Variants in CMC1 observed in about 807,000 individuals in gnomAD.
CMC1 encodes COX assembly mitochondrial protein homolog.
A neutral mutation model predicts 14.1 loss-of-function variants in CMC1; 14 were observed. The ratio of observed to expected loss-of-function variants is 0.99; its 90% CI spans 0.66 to 1.55. The LOEUF (loss-of-function observed/expected upper bound fraction) is 1.55, where lower values mean the gene tolerates loss of function less well. Ranked by LOEUF, CMC1 falls within the 40% of genes most tolerant of loss-of-function variation. CMC1 has a pLI of 0.00. For synonymous variants in CMC1, 50 were observed against 38.4 expected (o/e 1.30, Z -1.12); for missense variants, 127 against 123.8 (o/e 1.03, Z -0.12).
At chr3:28,253,651 G>T in intron 1 of CMC1, 1 of 732,938 alleles carries the variant, frequency 1.4e-6, no homozygotes, top group Non-Finnish European at 1.9e-6. Flanking sequence ...ACAAAGAAGA[G>T]GGATCCAAAT....
intron 2 of CMC1, among the ~76,000 whole-genome samples, chr3:28,308,555 A>G (rs1702452827): frequency 6.6e-6 from 1 of 152,248 alleles, no homozygotes; most frequent in Non-Finnish European, 1.5e-5. Context: ...GCTTTACACG[A>G]AGATCAAATG....
At chr3:28,270,920 C>CTTTTTTTTTTTTTTTTTT (rs71087680) in intron 2 of CMC1, among the ~76,000 whole-genome samples, 1 of 83,738 alleles carries the variant, frequency 1.2e-5, no homozygotes, top group African/African-American at 5.1e-5. Flanking sequence ...GAGTTAATTT[C>CTTTTTTTTTTTTTTTTTT]TTTTTTTTTT....
chr3:28,314,938 A>T (rs1304930497), intron 2 of CMC1: 1 of 152,224 alleles, frequency 6.6e-6, no homozygotes, highest in Non-Finnish European at 1.5e-5. Flanking sequence ...ATAGCTCAAG[A>T]AAAGAGAGGA....
chr3:28,274,683 C>T (rs1009662639), intron 2 of CMC1, among the ~76,000 whole-genome samples: 9 of 152,136 alleles, frequency 5.9e-5, no homozygotes, highest in Admixed American at 2.0e-4. Flanking sequence ...GGAAGTTCTC[C>T]TGGATGATAT....
intron 1 of CMC1, among the ~76,000 whole-genome samples, chr3:28,255,566 A>G (rs1395305391): frequency 6.6e-6 from 1 of 152,020 alleles, no homozygotes; most frequent in Non-Finnish European, 1.5e-5. Flanking sequence ...AGCTTCTGGC[A>G]AAGCTAAGGA....
Position 28,322,042 on chromosome 3 carries a change from T to G in CMC1, c.*2413T>G, listed in dbSNP as rs997868367. On this transcript the variant is annotated 3_prime_UTR_variant, in exon 4 of 4. Transcript: ENST00000466830. Reference sequence around the variant, plus strand: ...TACAGATGGGCCACTGTTTTTTGGTTGTTTGAATTTTACCTAGAACAGAGA... The same window carrying G: ...TACAGATGGGCCACTGTTTTTTGGTGGTTTGAATTTTACCTAGAACAGAGA... 2 of 151,308 alleles carry G rather than the reference T, an allele frequency of 1.3e-5. No homozygotes were observed. The highest frequency in any genetic ancestry group is 4.8e-5 in the African/African-American group (2 of 41,342). 9.4% of individuals were successfully genotyped at this position (151,308 alleles called of 1,614,324 possible).
At chr3:28,308,272 T>TA (rs1017529000) in intron 2 of CMC1, among the ~76,000 whole-genome samples, 243 of 148,202 alleles carry the variant, frequency 1.6e-3, no homozygotes, top group African/African-American at 4.9e-3. Context: ...GTGAAAGCTT[T>TA]AAAAAAAAAA....
chr3:28,324,004 T>C lies in CMC1; in HGVS notation c.*4375T>C, dbSNP rs1703281956. ...TTCTTGGGAGGACCACTGAAAGAGATAAGTGTCCTCATGGTGAAATCGTGA... is the reference window on the plus strand; with the variant it reads ...TTCTTGGGAGGACCACTGAAAGAGACAAGTGTCCTCATGGTGAAATCGTGA... On this transcript the variant is annotated 3_prime_UTR_variant, in exon 4 of 4. Coordinates refer to ENST00000466830, the MANE Select transcript of CMC1 (RefSeq NM_182523.2). The C allele has an allele frequency of 7.1e-6, 11 of 1,549,992 alleles. No homozygotes were observed. In the East Asian group the frequency reaches 2.3e-4, roughly 32 times the overall value.
At chr3:28,315,590 A>G (rs1702856584) in intron 2 of CMC1, among the ~76,000 whole-genome samples, 2 of 152,200 alleles carry the variant, frequency 1.3e-5, no homozygotes, top group South Asian at 2.1e-4. Context: ...TCTGGAAACA[A>G]TTCCCTTTCA....
At chr3:28,276,772 T>G (rs1195586505) in intron 2 of CMC1, among the ~76,000 whole-genome samples, 1 of 152,202 alleles carries the variant, frequency 6.6e-6, no homozygotes, top group Non-Finnish European at 1.5e-5. Flanking sequence ...ATCTTGTATA[T>G]CTGTTGGAAA....
intron 2 of CMC1, among the ~76,000 whole-genome samples, chr3:28,302,138 A>C (rs1323190745): frequency 6.6e-6 from 1 of 152,208 alleles, no homozygotes; most frequent in East Asian, 1.9e-4. Context: ...CTGTTGGCTC[A>C]TACTTATTGC....
At chr3:28,283,050 C>T (rs1035804007) in intron 2 of CMC1, among the ~76,000 whole-genome samples, 12 of 152,058 alleles carry the variant, frequency 7.9e-5, no homozygotes, top group African/African-American at 2.7e-4. Flanking sequence ...CGTAGTTCAA[C>T]CCTGTACTCA....
chr3:28,299,772 G>A (rs1046924529), intron 2 of CMC1, among the ~76,000 whole-genome samples: 3 of 151,804 alleles, frequency 2.0e-5, no homozygotes, highest in Non-Finnish European at 4.4e-5. Flanking sequence ...GTTCAACATT[G>A]CAAGAAGAAA....
chr3:28,241,874 A>C lies in CMC1; in HGVS notation c.19+62A>C, dbSNP rs1038210061. The C allele has an allele frequency of 4.9e-6, 6 of 1,232,636 alleles. No homozygotes were observed. In the African/African-American group the frequency reaches 7.8e-5, roughly 16 times the overall value. 76.4% of individuals were successfully genotyped at this position (1,232,636 alleles called of 1,614,324 possible). ...CGCCCCGGGTCTCACGCCGCGGGCC[A>C]TGCGGGCTGGATGCCGACCTGGGAA... is the stretch of plus-strand genomic sequence containing the variant. On this transcript the variant is annotated intron_variant, in intron 1 of 3. Coordinates refer to ENST00000466830, the MANE Select transcript of CMC1 (RefSeq NM_182523.2).
At chr3:28,260,002 G>A (rs796198873) in intron 1 of CMC1, among the ~76,000 whole-genome samples, 2 of 152,066 alleles carry the variant, frequency 1.3e-5, no homozygotes, top group African/African-American at 4.8e-5. Context: ...TCTGTTCCAC[G>A]TATACTGATT....
At chr3:28,286,327 G>T (rs1701178077) in intron 2 of CMC1, among the ~76,000 whole-genome samples, 1 of 152,152 alleles carries the variant, frequency 6.6e-6, no homozygotes, top group South Asian at 2.1e-4. Context: ...CTTTGAAGAA[G>T]CATTGTTTTT....
At chr3:28,282,836 C>T (rs1270280657) in intron 2 of CMC1, among the ~76,000 whole-genome samples, 1 of 152,112 alleles carries the variant, frequency 6.6e-6, no homozygotes, top group African/African-American at 2.4e-5. Context: ...AAATTCAAAC[C>T]AGAACGAATT....
At position 28,322,781 on chromosome 3, in the gene CMC1, T is replaced by C. The variant is rs1002069728; in HGVS notation, c.*3152T>C. The C allele has an allele frequency of 6.6e-6, 1 of 151,524 alleles. No homozygotes were observed. The highest frequency in any genetic ancestry group is 1.5e-5 in the Non-Finnish European group (1 of 67,378). The allele number at this position is 151,524 out of a possible 1,614,324, so 9.4% of individuals were successfully genotyped here. A position where few individuals can be genotyped will look rare whatever the true frequency, so the allele number is the denominator to read the frequency against. ...ATAATAGAAAAAAATATCTAGTGAA[T>C]GGCGAACATTGTCTATGTATGTATG... On this transcript the variant is annotated 3_prime_UTR_variant, in exon 4 of 4. Transcript: ENST00000466830.
chr3:28,276,149 T>C (rs955406481), intron 2 of CMC1, among the ~76,000 whole-genome samples: 2 of 151,896 alleles, frequency 1.3e-5, no homozygotes, highest in Non-Finnish European at 2.9e-5. Context: ...CCTAGATACC[T>C]CAATTCCCAG....
Sources: gnomAD v4.1 joint callset for allele counts (sites outside exome capture counted in the v4.1 genomes callset) on GRCh38, gnomAD v4.1.1 for gene constraint, MANE v1.5 for transcripts, NCBI Gene and HGNC (gene_info 2026-07-23, HGNC 2026-07-21) for gene names.